Variants in RPS27A observed in about 807,000 individuals in gnomAD.
RPS27A encodes the protein ribosomal protein S27a.
A neutral mutation model predicts 18.9 loss-of-function variants in RPS27A; 1 was observed. That is an observed-to-expected ratio of 0.05 (90% CI 0.02 to 0.25). RPS27A has a LOEUF of 0.25. Ranked by LOEUF, RPS27A falls within the 10% of genes least tolerant of loss-of-function variation. The pLI, the probability that RPS27A is intolerant of heterozygous loss-of-function variation, is 1.00. For missense variants in RPS27A, 123 were observed against 187.4 expected, an observed-to-expected ratio of 0.66 and a Z score of 2.01; for synonymous variants, 77 against 63.7, an observed-to-expected ratio of 1.21 and a Z score of -0.99.
intron 3 of RPS27A, chr2:55,233,699 G>C: frequency 4.1e-6 from 2 of 493,772 alleles, no homozygotes; most frequent in South Asian, 4.2e-5. Flanking sequence ...GCTTGTCCCG[G>C]CTTACTGCAG....
chr2:55,233,242 G>T (rs1675584752), intron 2 of RPS27A, 121 bp from the exon 3 acceptor site: 1 of 843,384 alleles, frequency 1.2e-6, no homozygotes, highest in Non-Finnish European at 2.0e-6. Context: ...GTGGGTAATA[G>T]GTCTCTCGAG....
chr2:55,232,938 G>A, intron 2 of RPS27A, 66 bp downstream of exon 2: 1 of 1,282,528 alleles, frequency 7.8e-7, no homozygotes, highest in Non-Finnish European at 1.1e-6. Context: ...TTTTAGGACC[G>A]GCGCTGCTTT....
At chr2:55,233,055 T>C in intron 2 of RPS27A, 183 bp downstream of exon 2, 1 of 685,174 alleles carries the variant, frequency 1.5e-6, no homozygotes, top group Non-Finnish European at 2.7e-6. Context: ...GGCCAAAGGC[T>C]GGACCTGTCT....
chr2:55,232,870 G>C lies in RPS27A; in HGVS notation c.46G>C (p.Glu16Gln), dbSNP rs760088876. ...KTLTGKTITL[E>Q]VEPSDTIENV... ...CCTTACGGGGAAGACCATCACCCTC[G>C]AGGTACGGGCCGGGTGGTCATGAGG... The change falls in exon 2 of 6, where the codon GAG (glutamate) becomes CAG (glutamine). Residue 16 changes from glutamate (E) to glutamine (Q), a missense_variant and splice_region_variant. Transcript: ENST00000272317. 1.2e-6 allele frequency: 2 copies of C among 1,611,220 alleles called. No homozygotes were observed. Among genetic ancestry groups the C allele is most frequent in the Non-Finnish European group, 1.7e-6 (2 of 1,179,240 alleles).
chr2:55,232,249 T>G (rs538879915), upstream of RPS27A: 293 of 183,044 alleles, frequency 1.6e-3, 3 homozygotes, highest in Non-Finnish European at 6.5e-4. Flanking sequence ...AGTCCTTTTC[T>G]CCAAACACCG....
Position 55,232,689 on chromosome 2 carries a change from T to C in RPS27A, c.-37T>C. ...CCGTGGGCCTGCGCGGCGTTCTTCC[T>C]TTTCGATCCGCCATCTGCGGTGGGT... On this transcript the variant is annotated 5_prime_UTR_variant, in exon 1 of 6. Coordinates refer to ENST00000272317, the MANE Select transcript of RPS27A (RefSeq NM_002954.6). 1 of 829,628 alleles carries C rather than the reference T, an allele frequency of 1.2e-6. No individual in the cohort carries two copies. Among genetic ancestry groups the C allele is most frequent in the Non-Finnish European group, 2.0e-6 (1 of 491,412 alleles). 51.4% of individuals were successfully genotyped at this position (829,628 alleles called of 1,614,324 possible).
chr2:55,233,321 C>A (rs759330540), intron 2 of RPS27A, 42 bp from the exon 3 acceptor site: 28 of 1,509,952 alleles, frequency 1.9e-5, no homozygotes, highest in Non-Finnish European at 2.6e-5. Context: ...TGCTGTAGTT[C>A]CTTAATGTGT....
In RPS27A at chr2:55,235,499, T is replaced by C. The variant is rs137921682; in HGVS notation, c.393T>C (p.Phe131=). The change falls in exon 6 of 6, where the codon TTT becomes TTC. Residue 131 remains phenylalanine, a synonymous_variant. Coordinates refer to ENST00000272317, the MANE Select transcript of RPS27A (RefSeq NM_002954.6). ...CTGATGAATGTGGTGCTGGGGTGTT[T>C]ATGGCAAGTCACTTTGACAGACATT... ...CPSDECGAGV[F]MASHFDRHYC... is the part of the protein sequence containing the mutation. 5.6e-6 allele frequency: 9 copies of C among 1,611,434 alleles called. No homozygotes were observed. Among genetic ancestry groups the C allele is most frequent in the Admixed American group, 3.3e-5 (2 of 60,014 alleles).
At chr2:55,233,713 C>T in intron 3 of RPS27A, 2 of 483,896 alleles carry the variant, frequency 4.1e-6, no homozygotes, top group South Asian at 2.1e-5. Context: ...ACTGCAGCCT[C>T]CGCCTCCCGG....
At chr2:55,233,133 C>T (rs528669947) in intron 2 of RPS27A, 4 of 637,498 alleles carry the variant, frequency 6.3e-6, no homozygotes, top group South Asian at 3.7e-5. Flanking sequence ...ACGCTCTGCC[C>T]GCCGGGTGCG....
chr2:55,235,093 T>C (rs1482789339), intron 5 of RPS27A, 131 bp downstream of exon 5: 2 of 1,007,034 alleles, frequency 2.0e-6, no homozygotes, highest in Non-Finnish European at 3.0e-6. Context: ...AAATGAGGTA[T>C]TCTGGAAATG....
chr2:55,233,908 G>A, intron 3 of RPS27A: 2 of 618,122 alleles, frequency 3.2e-6, no homozygotes, highest in South Asian at 3.8e-5. Context: ...GGTATTACAG[G>A]TGTCAGCCAC....
At chr2:55,233,897 T>C (rs1675647653) in intron 3 of RPS27A, 1 of 598,776 alleles carries the variant, frequency 1.7e-6, no homozygotes, top group African/African-American at 1.9e-5. Flanking sequence ...CCCAAAGTAT[T>C]GGTATTACAG....
chr2:55,234,663 C>A, intron 4 of RPS27A, 168 bp from the exon 5 acceptor site: 1 of 741,300 alleles, frequency 1.3e-6, no homozygotes, highest in Non-Finnish European at 2.3e-6. Context: ...CTTTAATGTC[C>A]CTATAAACTG....
At chr2:55,232,077 T>G (rs963406967), upstream of RPS27A, 9 of 152,688 alleles carry the variant, frequency 5.9e-5, no homozygotes, top group African/African-American at 1.9e-4. Context: ...TCTGGTAGAT[T>G]GCTGATTCTC....
At chr2:55,232,661 AC>A, upstream of RPS27A, 1 of 720,068 alleles carries the variant, frequency 1.4e-6, no homozygotes, top group Non-Finnish European at 2.5e-6. Flanking sequence ...GCTCCGGGAA[AC>A]CCCGTGGGCC....
chr2:55,234,997 C>A (rs1474221866), intron 5 of RPS27A, 35 bp downstream of exon 5: 3 of 1,609,470 alleles, frequency 1.9e-6, no homozygotes, highest in Non-Finnish European at 2.5e-6. Flanking sequence ...TCAGCAAAGT[C>A]TTGGCTTATT....
chr2:55,232,900 CAA>C, intron 2 of RPS27A, 28 bp downstream of exon 2: 2 of 1,595,006 alleles, frequency 1.3e-6, no homozygotes, highest in Non-Finnish European at 1.7e-6. Context: ...ATGAGGAAGC[CAA>C]GGTCCGAATA....
Position 55,232,845 on chromosome 2 carries a change from C to T in RPS27A, c.21C>T (p.Thr7=), listed in dbSNP as rs771537910. The change falls in exon 2 of 6, where the codon ACC becomes ACT. Residue 7 remains threonine, a synonymous_variant. Transcript: ENST00000272317. The part of the protein sequence containing the change: MQIFVK[T]LTGKTITLEV... The stretch of plus-strand genomic sequence containing the variant: ...CCAAAATGCAGATTTTCGTGAAAAC[C>T]CTTACGGGGAAGACCATCACCCTCG... 22 of 1,613,112 alleles carry T rather than the reference C, an allele frequency of 1.4e-5. No individual in the cohort carries two copies. Among genetic ancestry groups the T allele is most frequent in the Middle Eastern group, 1.6e-4 (1 of 6,080 alleles).
Sources: gnomAD v4.1 joint callset for allele counts on GRCh38, gnomAD v4.1.1 for gene constraint, MANE v1.5 for transcripts, NCBI Gene and HGNC (gene_info 2026-07-23, HGNC 2026-07-21) for gene names.